Variants in TNPO3 observed in about 807,000 individuals in gnomAD.
The protein encoded by TNPO3 is transportin 3.
Under a neutral mutation model 122.8 loss-of-function variants are expected in TNPO3, and 65 were observed. The observed-to-expected ratio is 0.53, with a 90% CI of 0.43 to 0.65. The LOEUF is 0.65. Among genes scored for constraint, TNPO3 ranks in the 30% least tolerant of loss-of-function variants. The pLI is 0.00. For missense variants in TNPO3, 850 were observed against 1,136.7 expected, an observed-to-expected ratio of 0.75 and a Z score of 3.63; for synonymous variants, 372 against 411.2, an observed-to-expected ratio of 0.90 and a Z score of 1.15.
In TNPO3 at chr7:129,054,828, G is replaced by C. The variant is rs1584601242; in HGVS notation, c.-58C>G. 6.2e-7 allele frequency: 1 copy of C among 1,610,114 alleles called. No homozygotes were observed. Among genetic ancestry groups the C allele is most frequent in the Non-Finnish European group, 8.5e-7 (1 of 1,178,068 alleles). The stretch of plus-strand genomic sequence containing the variant: ...TGATTCTTCTCCGGAGGATTCCTCG[G>C]TTGCTCCGCCTTCGCGCTTCCTCAC... On this transcript the variant is annotated 5_prime_UTR_variant, in exon 1 of 23. Transcript: ENST00000265388.
intron 18 of TNPO3, among the ~76,000 whole-genome samples, chr7:128,972,973 C>T (rs772481318): frequency 2.6e-5 from 4 of 151,844 alleles, no homozygotes; most frequent in African/African-American, 4.8e-5. Flanking sequence ...ACTTTTCACT[C>T]AAATTTGCAG....
At chr7:128,994,026 A>G (rs1801033576) in intron 8 of TNPO3, 112 bp from the exon 9 acceptor site, 1 of 923,788 alleles carries the variant, frequency 1.1e-6, no homozygotes, top group African/African-American at 1.7e-5. Flanking sequence ...TCAATGAACA[A>G]AAGTTGCCTA....
At chr7:129,045,970 T>C (rs948259813) in intron 1 of TNPO3, among the ~76,000 whole-genome samples, 10 of 152,014 alleles carry the variant, frequency 6.6e-5, no homozygotes, top group African/African-American at 2.4e-4. Flanking sequence ...GAGGCTGAGG[T>C]GGGTGGATCA....
chr7:129,046,993 T>C (rs1201362122), intron 1 of TNPO3, among the ~76,000 whole-genome samples: 1 of 152,178 alleles, frequency 6.6e-6, no homozygotes, highest in African/African-American at 2.4e-5. Context: ...CCAAACCATA[T>C]CAACCCAAGA....
chr7:129,001,307 C>T lies in TNPO3; in HGVS notation c.697-73G>A, dbSNP rs1563099210. 12 of 1,245,284 alleles carry T rather than the reference C, an allele frequency of 9.6e-6. No homozygotes were observed. The East Asian group carries it at 1.4e-4, about 15-fold the overall frequency. The allele number at this position is 1,245,284 out of a possible 1,614,324, so 77.1% of individuals were successfully genotyped here. ...AGTGATCTACAGTTGGCCCTGCACA[C>T]CCTAGGGTTCAATCAACCATCGATA... On this transcript the variant is annotated intron_variant, in intron 5 of 22. Coordinates refer to ENST00000265388, the MANE Select transcript of TNPO3 (RefSeq NM_012470.4).
intron 21 of TNPO3, among the ~76,000 whole-genome samples, chr7:128,963,879 TA>T (rs1358440100): frequency 6.6e-6 from 1 of 152,180 alleles, no homozygotes; most frequent in Non-Finnish European, 1.5e-5. Flanking sequence ...TTTATGCTCA[TA>T]AAAAAGTGCA....
At position 129,000,571 on chromosome 7, in the gene TNPO3, T is replaced by C. The variant is rs1239839333; in HGVS notation, c.873-4A>G. The C allele has an allele frequency of 6.2e-7, 1 of 1,612,616 alleles. No homozygotes were observed. Among genetic ancestry groups the C allele is most frequent in the Non-Finnish European group, 8.5e-7 (1 of 1,179,252 alleles). Reference sequence around the variant, plus strand: ...AATACGGCAGTAATTCAGAACTCTGTAGAAGACAGGGGAATGAGAACAATG... The same window carrying C: ...AATACGGCAGTAATTCAGAACTCTGCAGAAGACAGGGGAATGAGAACAATG... On this transcript the variant is annotated splice_polypyrimidine_tract_variant and splice_region_variant and intron_variant, in intron 6 of 22. Coordinates refer to ENST00000265388, the MANE Select transcript of TNPO3 (RefSeq NM_012470.4).
At chr7:128,965,946 T>C (rs1797888588) in intron 21 of TNPO3, among the ~76,000 whole-genome samples, 1 of 152,184 alleles carries the variant, frequency 6.6e-6, no homozygotes. Flanking sequence ...TGGAGAATTG[T>C]TGCTTAATGG....
intron 4 of TNPO3, among the ~76,000 whole-genome samples, chr7:129,005,863 C>A (rs772989514): frequency 6.7e-6 from 1 of 149,788 alleles, no homozygotes; most frequent in Admixed American, 6.7e-5. Flanking sequence ...CTCGCTGCAA[C>A]CTCCACCTCC....
chr7:128,989,798 A>C (rs1016359947), intron 11 of TNPO3, among the ~76,000 whole-genome samples, 163 bp downstream of exon 11: 1 of 152,228 alleles, frequency 6.6e-6, no homozygotes, highest in Non-Finnish European at 1.5e-5. Flanking sequence ...TATAAATGTT[A>C]TATCAAATAA....
chr7:128,978,467 GAATTTCACAA>G (rs1228703308), intron 16 of TNPO3, among the ~76,000 whole-genome samples: 1 of 152,124 alleles, frequency 6.6e-6, no homozygotes, highest in African/African-American at 2.4e-5. Context: ...TCGCTTCACA[GAATTTCACAA>G]TGGACTGTGT....
At chr7:129,004,140 C>T (rs1208623813) in intron 5 of TNPO3, among the ~76,000 whole-genome samples, 1 of 152,136 alleles carries the variant, frequency 6.6e-6, no homozygotes, top group Non-Finnish European at 1.5e-5. Context: ...AAATACACAC[C>T]AATGACATGC....
intron 1 of TNPO3, among the ~76,000 whole-genome samples, chr7:129,028,261 T>C (rs1204896411): frequency 6.6e-6 from 1 of 152,148 alleles, no homozygotes; most frequent in Admixed American, 6.6e-5. Context: ...ATGTTGCATA[T>C]TAAACTGAAC....
chr7:128,964,455 C>T (rs1474779986), intron 21 of TNPO3, among the ~76,000 whole-genome samples: 1 of 151,548 alleles, frequency 6.6e-6, no homozygotes, highest in African/African-American at 2.4e-5. Context: ...CCTGCCTCAG[C>T]CTCCAGAGTA....
intron 6 of TNPO3, 151 bp from the exon 7 acceptor site, chr7:129,000,718 A>C (rs1331793554): frequency 6.3e-6 from 5 of 798,182 alleles, no homozygotes; most frequent in Non-Finnish European, 9.8e-6. Context: ...CCCATGACAG[A>C]CACCTTTACC....
intron 1 of TNPO3, among the ~76,000 whole-genome samples, chr7:129,038,871 T>C (rs550180787): frequency 1.3e-5 from 2 of 152,296 alleles, no homozygotes; most frequent in African/African-American, 2.4e-5. Flanking sequence ...AAATAATTAA[T>C]GGGTCCTGGG....
intron 13 of TNPO3, 45 bp from the exon 14 acceptor site, chr7:128,982,369 A>C (rs777470601): frequency 6.5e-7 from 1 of 1,545,934 alleles, no homozygotes; most frequent in Non-Finnish European, 8.9e-7. Flanking sequence ...CACATGTACA[A>C]ATCTACAGCC....
intron 21 of TNPO3, among the ~76,000 whole-genome samples, chr7:128,961,020 C>A (rs1797398095): frequency 6.6e-6 from 1 of 152,060 alleles, no homozygotes; most frequent in Non-Finnish European, 1.5e-5. Flanking sequence ...CTCGGCCTCC[C>A]AAAGTGCTGG....
chr7:128,975,590 G>A (rs1292138867), intron 17 of TNPO3, among the ~76,000 whole-genome samples: 2 of 152,116 alleles, frequency 1.3e-5, no homozygotes, highest in African/African-American at 2.4e-5. Flanking sequence ...GCATAAACCA[G>A]GCAGTAACAT....
Sources: gnomAD v4.1 joint callset for allele counts (sites outside exome capture counted in the v4.1 genomes callset) on GRCh38, gnomAD v4.1.1 for gene constraint, MANE v1.5 for transcripts, NCBI Gene and HGNC (gene_info 2026-07-23, HGNC 2026-07-21) for gene names.